DENND5A: variants seen among roughly 807,000 people sequenced by gnomAD.
DENND5A encodes the protein DENN domain-containing protein 5A.
DENND5A carries 64 observed loss-of-function variants against 140.3 expected under a neutral mutation model. That is an observed-to-expected ratio of 0.46 (90% CI 0.37 to 0.56). DENND5A has a LOEUF of 0.56. DENND5A is among the 20% of genes least tolerant of loss of function. The pLI, the probability that DENND5A is intolerant of heterozygous loss-of-function variation, is 0.00. For missense variants in DENND5A, 1,292 were observed against 1,593.8 expected (o/e 0.81, Z 3.22); for synonymous variants, 605 against 607.7 (o/e 1.00, Z 0.07).
chr11:9,238,518 G>A (rs1485321818), intron 1 of DENND5A, among the ~76,000 whole-genome samples: 5 of 151,050 alleles, frequency 3.3e-5, no homozygotes, highest in African/African-American at 7.3e-5. Context: ...CCGGGTTCAC[G>A]CCATTCTCCT....
intron 3 of DENND5A, among the ~76,000 whole-genome samples, 165 bp from the exon 4 acceptor site, chr11:9,204,482 A>C (rs1026792160): frequency 1.3e-5 from 2 of 152,234 alleles, no homozygotes; most frequent in African/African-American, 4.8e-5. Context: ...ATAAAATCAT[A>C]ATGCAGTCAT....
Position 9,139,825 on chromosome 11 carries a change from A to AG in DENND5A, c.3709dup (p.Leu1237ProfsTer4). ...TGCAGTGATGGGGCAGTCAGCCAGC[A>AG]GGGCAATCCAGTGGTGTAGGAGGTG... On this transcript the variant is annotated frameshift_variant, in exon 23 of 23. Transcript: ENST00000328194. LOFTEE classifies it high-confidence loss of function. The AG allele has an allele frequency of 2.5e-6, 4 of 1,614,156 alleles. No homozygotes were observed. Among genetic ancestry groups the AG allele is most frequent in the Non-Finnish European group, 3.4e-6 (4 of 1,180,024 alleles).
Position 9,143,484 on chromosome 11 carries a change from C to T in DENND5A, c.3306G>A (p.Lys1102=). 1 of 1,613,740 alleles carries T rather than the reference C, an allele frequency of 6.2e-7. No individual in the cohort carries two copies. Among genetic ancestry groups the T allele is most frequent in the Non-Finnish European group, 8.5e-7 (1 of 1,179,662 alleles). ...LVTISPNNKP[K]LNTGQIQESI... is the part of the protein sequence containing the mutation. ...ACTCCTGGATCTGCCCAGTGTTCAG[C>T]TCTAATAAAAATCAAGCAGACATCC... is the stretch of plus-strand genomic sequence containing the variant. The change falls in exon 20 of 23, where the codon AAG becomes AAA. Residue 1102 remains lysine, a splice_region_variant and synonymous_variant. Coordinates refer to ENST00000328194, the MANE Select transcript of DENND5A (RefSeq NM_015213.4).
chr11:9,189,567 G>C (rs947260767), intron 5 of DENND5A, among the ~76,000 whole-genome samples: 1 of 152,022 alleles, frequency 6.6e-6, no homozygotes, highest in African/African-American at 2.4e-5. Flanking sequence ...CACAGGGGTG[G>C]AGCAGCCCAA....
chr11:9,218,594 T>C (rs1850187590), intron 1 of DENND5A, among the ~76,000 whole-genome samples: 1 of 151,814 alleles, frequency 6.6e-6, no homozygotes, highest in Admixed American at 6.6e-5. Context: ...TGTGGTGGAG[T>C]GTGCCTGTAG....
chr11:9,184,319 C>T (rs1848833831), intron 5 of DENND5A, among the ~76,000 whole-genome samples: 1 of 151,800 alleles, frequency 6.6e-6, no homozygotes, highest in African/African-American at 2.4e-5. Context: ...CGCCACTGCA[C>T]TCCAGCCTGG....
intron 18 of DENND5A, 108 bp from the exon 19 acceptor site, chr11:9,144,386 G>C: frequency 9.3e-7 from 1 of 1,070,646 alleles, no homozygotes; most frequent in Non-Finnish European, 1.4e-6. Context: ...AACCAGGATA[G>C]AGACTCCTTC....
chr11:9,207,927 A>G (rs546316204), intron 1 of DENND5A, among the ~76,000 whole-genome samples: 4 of 152,358 alleles, frequency 2.6e-5, no homozygotes, highest in Non-Finnish European at 5.9e-5. Flanking sequence ...GTATAGTAGA[A>G]CGAAGAGCTC....
At chr11:9,175,951 A>C (rs113181582) in intron 8 of DENND5A, among the ~76,000 whole-genome samples, 1 of 152,196 alleles carries the variant, frequency 6.6e-6, no homozygotes, top group Non-Finnish European at 1.5e-5. Flanking sequence ...CCAACTGATA[A>C]ATTGGGCCTC....
chr11:9,160,889 T>C (rs552522732), intron 11 of DENND5A, 24 bp from the exon 12 acceptor site: 2 of 1,611,586 alleles, frequency 1.2e-6, no homozygotes, highest in African/African-American at 2.7e-5. Context: ...GTCAACAGGA[T>C]TAAATAACCA....
In DENND5A at chr11:9,223,341, C is replaced by A. The variant is rs141709115; in HGVS notation, c.110-15709G>T. ...GCAGGCGGAGGTCAGGAGTTTAAGA[C>A]CAGCCTGGCCAACATGGTGAAAACC... On this transcript the variant is annotated intron_variant, in intron 1 of 22. Coordinates refer to ENST00000328194, the MANE Select transcript of DENND5A (RefSeq NM_015213.4). Among the ~76,000 whole-genome samples, 354 of 151,886 alleles carry A rather than the reference C, an allele frequency of 2.3e-3. 1 individual carries two copies. Among genetic ancestry groups the A allele is most frequent in the Non-Finnish European group, 4.5e-3 (303 of 67,980 alleles).
At chr11:9,232,105 C>T (rs1267370903) in intron 1 of DENND5A, among the ~76,000 whole-genome samples, 1 of 151,822 alleles carries the variant, frequency 6.6e-6, no homozygotes, top group Non-Finnish European at 1.5e-5. Flanking sequence ...TTAATTAGCC[C>T]TAGGACTGTA....
intron 8 of DENND5A, among the ~76,000 whole-genome samples, chr11:9,177,457 G>C (rs1848582123): frequency 6.6e-6 from 1 of 150,624 alleles, no homozygotes. Flanking sequence ...TTGAAGACCA[G>C]ACGGAGCATA....
Position 9,142,849 on chromosome 11 carries a change from C to A in DENND5A, c.3388-4G>T, listed in dbSNP as rs190631274. 3.1e-6 allele frequency: 5 copies of A among 1,613,822 alleles called. No individual in the cohort carries two copies. Among genetic ancestry groups the A allele is most frequent in the Non-Finnish European group, 4.2e-6 (5 of 1,179,856 alleles). On this transcript the variant is annotated splice_polypyrimidine_tract_variant and splice_region_variant and intron_variant, in intron 20 of 22. Transcript: ENST00000328194. ...GCAACAGCGTCAGACTGCCTCGCTACGTAAGGAAACAGGGGAGGGTGCCAG... is the reference window on the plus strand; with the variant it reads ...GCAACAGCGTCAGACTGCCTCGCTAAGTAAGGAAACAGGGGAGGGTGCCAG...
chr11:9,256,001 G>A (rs557931387), intron 1 of DENND5A, among the ~76,000 whole-genome samples: 47 of 149,458 alleles, frequency 3.1e-4, no homozygotes, highest in East Asian at 5.9e-4. Flanking sequence ...ACCCCAGCGT[G>A]AGCAACACGG....
In DENND5A at chr11:9,165,928, G is replaced by A. The variant is rs951970963; in HGVS notation, c.2191C>T (p.Arg731Cys). The change falls in exon 11 of 23, where the codon CGC becomes TGC. Residue 731 changes from arginine to cysteine, a missense_variant. Physicochemically the swap from Arg to Cys is radical, Grantham distance 180. This residue lies in a region of DENND5A where 498 missense variants were observed against 689.7 expected (regional missense o/e 0.72). Transcript: ENST00000328194. ...QEARTMGSTI[R>C]QPKLSNLSPS... ...GAGAGGTTGGACAGTTTGGGCTGGC[G>A]GATAGTGCTGCCCATAGTCCTGGCT... The A allele has an allele frequency of 8.7e-6, 14 of 1,613,934 alleles. No individual in the cohort carries two copies. The highest frequency in any genetic ancestry group is 1.3e-5 in the African/African-American group (1 of 74,900).
intron 4 of DENND5A, among the ~76,000 whole-genome samples, chr11:9,196,806 T>C (rs778098594): frequency 8.6e-5 from 13 of 151,726 alleles, no homozygotes; most frequent in South Asian, 2.1e-4. Context: ...AGATGAGGTT[T>C]TATCATGTTG....
rs751933058 is a variant in DENND5A, at chr11:9,264,995, G to A, written c.75C>T (p.Asp25=). The part of the protein sequence containing the change: ...FADYFVICGL[D]TETGLEPDEL... ...CGTCCGGCTCCAGCCCGGTCTCCGT[G>A]TCCAGTCCGCAGATGACAAAGTAGT... The change falls in exon 1 of 23, where the codon GAC becomes GAT. Residue 25 remains aspartate (D), a synonymous_variant. Transcript: ENST00000328194. 8.2e-6 allele frequency: 13 copies of A among 1,589,144 alleles called. No individual in the cohort carries two copies. Among genetic ancestry groups the A allele is most frequent in the Middle Eastern group, 1.8e-4 (1 of 5,490 alleles).
At chr11:9,207,771 T>C in intron 1 of DENND5A, 139 bp from the exon 2 acceptor site, 3 of 577,136 alleles carry the variant, frequency 5.2e-6, no homozygotes, top group Non-Finnish European at 6.0e-6. Flanking sequence ...TAAATTTACC[T>C]AAAGCAAAAA....
Sources: allele counts gnomAD v4.1 joint callset (sites outside exome capture counted in the v4.1 genomes callset), GRCh38; gene constraint gnomAD v4.1.1; regional missense constraint gnomAD v4.1.1; transcripts MANE v1.5; gene names NCBI Gene and HGNC (gene_info 2026-07-23, HGNC 2026-07-21).